SNX17: variants seen among roughly 807,000 people sequenced by gnomAD.
The protein encoded by SNX17 is sorting nexin-17.
SNX17 carries 35 observed loss-of-function variants against 64.3 expected under a neutral mutation model. That is an observed-to-expected ratio of 0.54 (90% CI 0.42 to 0.72). The LOEUF (loss-of-function observed/expected upper bound fraction) is 0.72, where lower values mean the gene tolerates loss of function less well. Among genes scored for constraint, SNX17 ranks in the 30% least tolerant of loss-of-function variants. SNX17 has a pLI of 0.00. For missense variants in SNX17, 538 were observed against 610.0 expected (o/e 0.88, Z 1.24); for synonymous variants, 259 against 230.2 (o/e 1.13, Z -1.13).
chr2:27,374,499 T>C, intron 7 of SNX17, 66 bp downstream of exon 7: 2 of 1,449,450 alleles, frequency 1.4e-6, no homozygotes, highest in Non-Finnish European at 1.9e-6. Flanking sequence ...TTGGGCCACA[T>C]ATTGAGACAG....
At position 27,373,887 on chromosome 2, in the gene SNX17, A is replaced by C; in HGVS notation, c.348A>C (p.Glu116Asp). Residue 116 changes from glutamate (E) to aspartate (D), a missense_variant, in exon 5 of 15, where the codon GAA becomes GAC. Coordinates refer to ENST00000233575, the MANE Select transcript of SNX17 (RefSeq NM_014748.4). ...AGACACAGCAGGTCCCCACAGAGGA[A>C]GTGTCCTTGGAAGTGCTGCTCAGCA... ...QQETQQVPTE[E>D]VSLEVLLSNG... 1 of 1,613,798 alleles carries C rather than the reference A, an allele frequency of 6.2e-7. No homozygotes were observed. Among genetic ancestry groups the C allele is most frequent in the Non-Finnish European group, 8.5e-7 (1 of 1,179,990 alleles).
At chr2:27,371,529 G>A in intron 2 of SNX17, 186 bp downstream of exon 2, 2 of 1,234,228 alleles carry the variant, frequency 1.6e-6, no homozygotes, top group Non-Finnish European at 2.1e-6. Flanking sequence ...CTTAATGTCC[G>A]CGCAACAACT....
In SNX17 at chr2:27,376,499, G is replaced by A. The variant is rs1683252990; in HGVS notation, c.1278G>A (p.Arg426=). ...PPLLESPDAT[R]ESMVKLSSKL... Reference sequence around the variant, plus strand: ...CCCAGGAGTCACCTGATGCCACCCGGGAGTCTATGGTCAAACTCTCAGTGA... The same window carrying A: ...CCCAGGAGTCACCTGATGCCACCCGAGAGTCTATGGTCAAACTCTCAGTGA... The change falls in exon 14 of 15, where the codon CGG becomes CGA. Residue 426 remains arginine, a synonymous_variant. Transcript: ENST00000233575. 1 of 1,613,998 alleles carries A rather than the reference G, an allele frequency of 6.2e-7. No individual in the cohort carries two copies. Among genetic ancestry groups the A allele is most frequent in the African/African-American group, 1.3e-5 (1 of 74,874 alleles).
At position 27,376,773 on chromosome 2, in the gene SNX17, C is replaced by G; in HGVS notation, c.*54C>G. ...CCCCAGAGGAATTTACAGAAACTTG[C>G]CCTGTGCCTGTGTCCCCCATGCTAG... On this transcript the variant is annotated 3_prime_UTR_variant, in exon 15 of 15. Transcript: ENST00000233575. 6.7e-7 allele frequency: 1 copy of G among 1,483,306 alleles called. No individual in the cohort carries two copies. Among genetic ancestry groups the G allele is most frequent in the Non-Finnish European group, 9.4e-7 (1 of 1,067,120 alleles). 91.9% of individuals were successfully genotyped at this position (1,483,306 alleles called of 1,614,324 possible).
chr2:27,373,207 A>C, intron 3 of SNX17, 40 bp from the exon 4 acceptor site: 1 of 1,613,234 alleles, frequency 6.2e-7, no homozygotes. Context: ...GCCAAGAGTG[A>C]GTGCTAAGTT....
rs922862298 is a variant in SNX17 at position 27,375,326 on chromosome 2, G to C, written c.774+173G>C. On this transcript the variant is annotated intron_variant, in intron 9 of 14. Transcript: ENST00000233575. This position sits in a 1 kb window ranked among gnomAD's most constrained non-coding sequence, Gnocchi z 4.1. ...GCTAATTTTTTGTATTTTTGGGAGA[G>C]ACAGGGTTTCACCATGTTAGCCAGG... Among the ~76,000 whole-genome samples the C allele has an allele frequency of 6.6e-6, 1 of 152,186 alleles. No individual in the cohort carries two copies. The highest frequency in any genetic ancestry group is 1.5e-5 in the Non-Finnish European group (1 of 68,034).
intron 5 of SNX17, 52 bp downstream of exon 5, chr2:27,374,023 G>A (rs751070613): frequency 1.2e-6 from 2 of 1,606,442 alleles, no homozygotes; most frequent in Admixed American, 3.3e-5. Context: ...CTGGGGTCCT[G>A]GGCTTGGAGA....
Position 27,372,693 on chromosome 2 carries a change from C to T in SNX17, c.209C>T (p.Ala70Val). 6.2e-7 allele frequency: 1 copy of T among 1,614,172 alleles called. No individual in the cohort carries two copies. The highest frequency in any genetic ancestry group is 1.7e-5 in the Admixed American group (1 of 60,022). The change falls in exon 3 of 15, where the codon GCT becomes GTT. Residue 70 changes from alanine (A) to valine (V), a missense_variant. This residue lies in a region of SNX17 where 505 missense variants were observed against 550.4 expected (regional missense o/e 0.92). Transcript: ENST00000233575. ...PPKKLFSLTP[A>V]EVEQRREQLE... ...AAGAAGCTTTTCTCTCTGACTCCTGCTGAGGTAGAACAGAGGAGAGAGCAG... is the reference window on the plus strand; with the variant it reads ...AAGAAGCTTTTCTCTCTGACTCCTGTTGAGGTAGAACAGAGGAGAGAGCAG...
At position 27,375,277 on chromosome 2, in the gene SNX17, T is replaced by C; in HGVS notation, c.774+124T>C. 1.0e-6 allele frequency: 1 copy of C among 956,306 alleles called. No homozygotes were observed. The highest frequency in any genetic ancestry group is 1.6e-6 in the Non-Finnish European group (1 of 639,866). 59.2% of individuals were successfully genotyped at this position (956,306 alleles called of 1,614,324 possible). ...CCTCAGCCTCCCGAGTAGCTGGGAC[T>C]ACAGGCACCCGCCACGACGCCCGGC... On this transcript the variant is annotated intron_variant, in intron 9 of 14. Coordinates refer to ENST00000233575, the MANE Select transcript of SNX17 (RefSeq NM_014748.4). This position sits in a 1 kb window ranked among gnomAD's most constrained non-coding sequence, Gnocchi z 4.1.
intron 3 of SNX17, 166 bp from the exon 4 acceptor site, chr2:27,373,081 G>A (rs1244922726): frequency 6.4e-6 from 10 of 1,554,816 alleles, no homozygotes; most frequent in Non-Finnish European, 8.7e-6. Context: ...CAAGGGTGGG[G>A]CAGGTGAAGA....
intron 1 of SNX17, among the ~76,000 whole-genome samples, 173 bp downstream of exon 1, chr2:27,370,979 C>T (rs566579664): frequency 2.0e-5 from 3 of 152,352 alleles, no homozygotes; most frequent in Admixed American, 2.0e-4. Flanking sequence ...GTGCAGTGGT[C>T]GCCCGAGCTC....
At chr2:27,373,159 A>G (rs1450868318) in intron 3 of SNX17, 88 bp from the exon 4 acceptor site, 4 of 1,608,402 alleles carry the variant, frequency 2.5e-6, no homozygotes, top group African/African-American at 1.3e-5. Context: ...AGCCCAGGAA[A>G]TGGGGTCGGG....
At chr2:27,374,212 C>T (rs1558304125) in intron 6 of SNX17, 37 bp downstream of exon 6, 5 of 1,599,086 alleles carry the variant, frequency 3.1e-6, no homozygotes, top group Non-Finnish European at 4.3e-6. Flanking sequence ...TACAAGGGTA[C>T]TTCAGTAGAG....
intron 2 of SNX17, 123 bp downstream of exon 2, chr2:27,371,466 AGGGTAG>A (rs1682536521): frequency 1.4e-6 from 2 of 1,430,530 alleles, no homozygotes; most frequent in South Asian, 2.9e-5. Flanking sequence ...TCACTGCCAC[AGGGTAG>A]GGCCCTGGTT....
At chr2:27,373,171 G>A (rs1682812974) in intron 3 of SNX17, 76 bp from the exon 4 acceptor site, 1 of 1,609,168 alleles carries the variant, frequency 6.2e-7, no homozygotes, top group Middle Eastern at 1.6e-4. Flanking sequence ...GGGGTCGGGG[G>A]AACCTACTGA....
Position 27,376,834 on chromosome 2 carries a change from A to G in SNX17, c.*115A>G. The G allele has an allele frequency of 1.2e-6, 1 of 828,810 alleles. No homozygotes were observed. Among genetic ancestry groups the G allele is most frequent in the Non-Finnish European group, 1.9e-6 (1 of 519,204 alleles). The allele number at this position is 828,810 out of a possible 1,614,324, so 51.3% of individuals were successfully genotyped here. On this transcript the variant is annotated 3_prime_UTR_variant, in exon 15 of 15. Coordinates refer to ENST00000233575, the MANE Select transcript of SNX17 (RefSeq NM_014748.4). ...GTCTTTTCCTTCTTCTTTCCTACCTACCCCTTTTCTCTTGGCCAGGGGCCT... is the reference window on the plus strand; with the variant it reads ...GTCTTTTCCTTCTTCTTTCCTACCTGCCCCTTTTCTCTTGGCCAGGGGCCT...
intron 7 of SNX17, 29 bp downstream of exon 7, chr2:27,374,462 T>G (rs1572635823): frequency 1.9e-6 from 3 of 1,554,124 alleles, no homozygotes; most frequent in Non-Finnish European, 2.7e-6. Context: ...AGGGGAGGGG[T>G]GGGAGGTGCT....
rs982817857 is a variant in SNX17 at position 27,377,050 on chromosome 2, A to G, written c.*331A>G. The stretch of plus-strand genomic sequence containing the variant: ...TCTGGCCTCTTGGAGCCATGGGCCA[A>G]AGGCCAAGGGGATGGGCAGAGGTCT... On this transcript the variant is annotated 3_prime_UTR_variant, in exon 15 of 15. Coordinates refer to ENST00000233575, the MANE Select transcript of SNX17 (RefSeq NM_014748.4). This position sits in a 1 kb window ranked among gnomAD's most constrained non-coding sequence, Gnocchi z 4.4. 7.3e-6 allele frequency: 3 copies of G among 412,734 alleles called. No individual in the cohort carries two copies. The highest frequency in any genetic ancestry group is 2.3e-5 in the South Asian group (1 of 44,020). 25.6% of individuals were successfully genotyped at this position (412,734 alleles called of 1,614,324 possible).
chr2:27,375,999 G>A lies in SNX17; in HGVS notation c.1104+28G>A. 4.3e-6 allele frequency: 7 copies of A among 1,613,918 alleles called. No individual in the cohort carries two copies. Among genetic ancestry groups the A allele is most frequent in the Non-Finnish European group, 5.9e-6 (7 of 1,179,878 alleles). On this transcript the variant is annotated intron_variant, in intron 11 of 14. Coordinates refer to ENST00000233575, the MANE Select transcript of SNX17 (RefSeq NM_014748.4). The surrounding 1 kb of genome is among the most constrained non-coding windows in gnomAD (Gnocchi z 4.1). Reference sequence around the variant, plus strand: ...GTGAACCTACCCTCAGCCCTCCTCTGGAGCACCTTAAAGTGTAGAGTTTCC... The same window carrying A: ...GTGAACCTACCCTCAGCCCTCCTCTAGAGCACCTTAAAGTGTAGAGTTTCC...
Sources: gnomAD v4.1 joint callset for allele counts (sites outside exome capture counted in the v4.1 genomes callset) on GRCh38, gnomAD v4.1.1 for gene constraint, gnomAD v4.1.1 regional missense constraint, Gnocchi (gnomAD v3.1) non-coding constraint, MANE v1.5 for transcripts, NCBI Gene and HGNC (gene_info 2026-07-23, HGNC 2026-07-21) for gene names.